The following EFNB2 variants were observed in gnomAD, a reference collection of about 807,000 sequenced individuals.
EFNB2 encodes the protein ephrin B2.
EFNB2 carries 5 observed loss-of-function variants against 32.1 expected under a neutral mutation model. The observed-to-expected ratio is 0.16, with a 90% CI of 0.08 to 0.33. The LOEUF (loss-of-function observed/expected upper bound fraction) is 0.33, where lower values mean the gene tolerates loss of function less well. Among genes scored for constraint, EFNB2 ranks in the 10% least tolerant of loss-of-function variants. The pLI, the probability that EFNB2 is intolerant of heterozygous loss-of-function variation, is 1.00. For missense variants in EFNB2, 263 were observed against 422.6 expected (o/e 0.62, Z 3.31); for synonymous variants, 168 against 166.5 (o/e 1.01, Z -0.07).
At position 106,513,766 on chromosome 13, in the gene EFNB2, C is replaced by T. The variant is rs372764343; in HGVS notation, c.123-954G>A. Among the ~76,000 whole-genome samples, 699 of 140,124 alleles carry T rather than the reference C, an allele frequency of 5.0e-3. 6 individuals carry two copies. Among genetic ancestry groups the T allele is most frequent in the Middle Eastern group, 0.035 (9 of 258 alleles). 91.9% of individuals were successfully genotyped at this position (140,124 alleles called of 152,430 possible). ...ACACACTTAGAAATCTCAGCTCGTT[C>T]GTAAGCAGCCAAGCCTGCAGGCTCA... On this transcript the variant is annotated intron_variant, in intron 1 of 4. Coordinates refer to ENST00000646441, the MANE Select transcript of EFNB2 (RefSeq NM_004093.4).
At chr13:106,498,075 CAA>C (rs1380250354) in intron 2 of EFNB2, among the ~76,000 whole-genome samples, 2 of 152,072 alleles carry the variant, frequency 1.3e-5, no homozygotes, top group Non-Finnish European at 2.9e-5. Flanking sequence ...CACTCAAACT[CAA>C]AGTTAACTTA....
Position 106,535,283 on chromosome 13 carries a change from G to T in EFNB2, c.-319C>A. ...GGTGCCGGGCCGGCCGCGGCTGGCG[G>T]GTGGGCGCGGGGCGGGTGCGGGCTG... is the stretch of plus-strand genomic sequence containing the variant. On this transcript the variant is annotated 5_prime_UTR_variant, in exon 1 of 5. Transcript: ENST00000646441. 1 of 149,336 alleles carries T rather than the reference G, an allele frequency of 6.7e-6. No individual in the cohort carries two copies. Among genetic ancestry groups the T allele is most frequent in the South Asian group, 1.9e-4 (1 of 5,376 alleles). 9.3% of individuals were successfully genotyped at this position (149,336 alleles called of 1,614,324 possible). A position where few individuals can be genotyped will look rare whatever the true frequency, so the allele number is the denominator to read the frequency against.
At position 106,534,881 on chromosome 13, in the gene EFNB2, T is replaced by C; in HGVS notation, c.84A>G (p.Ile28Met). The stretch of plus-strand genomic sequence containing the variant: ...AATTCCAATAGATAGGCTCTAAAAC[T>C]ATCGATTTGGAAATCGCAGTTCTGC... Reference protein sequence around the residue: ...VLCRTAISKSIVLEPIYWNSS... With the variant: ...VLCRTAISKSMVLEPIYWNSS... Residue 28 changes from isoleucine (I) to methionine (M), a missense_variant, in exon 1 of 5, where the codon ATA (isoleucine) becomes ATG (methionine). This residue lies in a region of EFNB2 where 46 missense variants were observed against 56.9 expected (regional missense o/e 0.81). Transcript: ENST00000646441. 1 of 1,613,492 alleles carries C rather than the reference T, an allele frequency of 6.2e-7. No homozygotes were observed. Among genetic ancestry groups the C allele is most frequent in the South Asian group, 1.1e-5 (1 of 91,030 alleles).
chr13:106,534,694 G>A (rs1880000943), intron 1 of EFNB2, 149 bp downstream of exon 1: 1 of 900,400 alleles, frequency 1.1e-6, no homozygotes, highest in East Asian at 3.0e-5. Context: ...TCTCCACCTA[G>A]TGAAATGGGG....
At position 106,492,073 on chromosome 13, in the gene EFNB2, C is replaced by A. The variant is rs1379751545; in HGVS notation, c.*967G>T. 4 of 152,658 alleles carry A rather than the reference C, an allele frequency of 2.6e-5. No homozygotes were observed. The East Asian group carries it at 7.7e-4, about 29-fold the overall frequency. The allele number at this position is 152,658 out of a possible 1,614,324, so 9.5% of individuals were successfully genotyped here. On this transcript the variant is annotated 3_prime_UTR_variant, in exon 5 of 5. Coordinates refer to ENST00000646441, the MANE Select transcript of EFNB2 (RefSeq NM_004093.4). The surrounding 1 kb of genome is among the most constrained non-coding windows in gnomAD (Gnocchi z 5.1). ...CTGTTCCTTTCCCAACAATACCCGT[C>A]TTTGTTCCCCGGAATGAAGAGGGGC...
intron 1 of EFNB2, among the ~76,000 whole-genome samples, chr13:106,514,431 T>C (rs1285741487): frequency 2.6e-5 from 4 of 152,144 alleles, no homozygotes; most frequent in African/African-American, 9.7e-5. Flanking sequence ...CACAATTCAG[T>C]TTCTCAAGTA....
chr13:106,505,668 C>T (rs1878926511), intron 2 of EFNB2, among the ~76,000 whole-genome samples: 1 of 152,150 alleles, frequency 6.6e-6, no homozygotes, highest in Admixed American at 6.5e-5. Flanking sequence ...GTTTTATCTT[C>T]CTGATGAATG....
At chr13:106,525,830 C>T (rs933380814) in intron 1 of EFNB2, among the ~76,000 whole-genome samples, 3 of 152,194 alleles carry the variant, frequency 2.0e-5, no homozygotes, top group Admixed American at 1.3e-4. Flanking sequence ...AGCCGAGTAA[C>T]AGGCCTAACA....
At chr13:106,527,242 A>G (rs1879730909) in intron 1 of EFNB2, among the ~76,000 whole-genome samples, 1 of 152,072 alleles carries the variant, frequency 6.6e-6, no homozygotes, top group African/African-American at 2.4e-5. Context: ...AAATTGAGAA[A>G]ATAAATTAGT....
At chr13:106,510,514 G>A (rs1239038122) in intron 2 of EFNB2, among the ~76,000 whole-genome samples, 3 of 152,328 alleles carry the variant, frequency 2.0e-5, no homozygotes, top group African/African-American at 7.2e-5. Context: ...ATCGGTGGAC[G>A]TGGGCTGCAT....
chr13:106,511,544 C>G (rs1358261582), intron 2 of EFNB2, among the ~76,000 whole-genome samples: 1 of 152,184 alleles, frequency 6.6e-6, no homozygotes, highest in African/African-American at 2.4e-5. Flanking sequence ...TCAGTTTGAT[C>G]ACCAAGAGTC....
At chr13:106,521,659 T>C (rs1222813159) in intron 1 of EFNB2, 1 of 152,220 alleles carries the variant, frequency 6.6e-6, no homozygotes, top group Non-Finnish European at 1.5e-5. Flanking sequence ...CTCCTTTTGA[T>C]GTTAATCTTG....
At chr13:106,522,177 G>A (rs1032541543) in intron 1 of EFNB2, among the ~76,000 whole-genome samples, 2 of 152,096 alleles carry the variant, frequency 1.3e-5, no homozygotes, top group Non-Finnish European at 2.9e-5. Context: ...CAAGTGAGAA[G>A]GGGGGTGATC....
At chr13:106,501,243 T>C (rs769506609) in intron 2 of EFNB2, among the ~76,000 whole-genome samples, 49 of 152,164 alleles carry the variant, frequency 3.2e-4, no homozygotes, top group Non-Finnish European at 6.5e-4. Flanking sequence ...ATGCCAAAAA[T>C]AAATGACTGT....
Position 106,493,387 on chromosome 13 carries a change from T to C in EFNB2, c.655A>G (p.Asn219Asp), listed in dbSNP as rs1878481673. ...DGNSAGHSGN[N>D]ILGSEVALFA... The stretch of plus-strand genomic sequence containing the variant: ...AAGGCCACTTCGGAACCGAGGATGT[T>C]GTTCCCCGAATGTCCGGCGCTGTTG... The change falls in exon 5 of 5, where the codon AAC (asparagine) becomes GAC (aspartate). Residue 219 changes from asparagine (N) to aspartate (D), a missense_variant. Transcript: ENST00000646441. This position sits in a 1 kb window ranked among gnomAD's most constrained non-coding sequence, Gnocchi z 6.1. 1.9e-6 allele frequency: 3 copies of C among 1,613,930 alleles called. No individual in the cohort carries two copies. Among genetic ancestry groups the C allele is most frequent in the East Asian group, 4.5e-5 (2 of 44,872 alleles).
chr13:106,530,417 C>T (rs1879832299), intron 1 of EFNB2, among the ~76,000 whole-genome samples: 1 of 152,076 alleles, frequency 6.6e-6, no homozygotes, highest in African/African-American at 2.4e-5. Flanking sequence ...AGGGTGAGCT[C>T]ATAAGCAAAT....
Position 106,493,355 on chromosome 13 carries a change from T to G in EFNB2, c.687A>C (p.Ala229=). The part of the protein sequence containing the change: ...NILGSEVALF[A]GIASGCIIFI... ...AGATGATGCATCCTGAAGCAATCCC[T>G]GCAAATAAGGCCACTTCGGAACCGA... Residue 229 remains alanine (A), a synonymous_variant, in exon 5 of 5, where the codon GCA becomes GCC. Transcript: ENST00000646441. The surrounding 1 kb of genome is among the most constrained non-coding windows in gnomAD (Gnocchi z 6.1). The G allele has an allele frequency of 1.9e-6, 3 of 1,614,180 alleles. No individual in the cohort carries two copies. The highest frequency in any genetic ancestry group is 1.7e-6 in the Non-Finnish European group (2 of 1,180,030).
Position 106,512,773 on chromosome 13 carries a change from T to A in EFNB2, c.162A>T (p.Ile54=), listed in dbSNP as rs1879183427. 1 of 1,613,360 alleles carries A rather than the reference T, an allele frequency of 6.2e-7. No individual in the cohort carries two copies. Among genetic ancestry groups the A allele is most frequent in the African/African-American group, 1.3e-5 (1 of 74,900 alleles). Reference sequence around the variant, plus strand: ...GGCAAATAATATCCAATTTGTCTCCTATCTGTGGGTATAGTACCAGTCCTT... The same window carrying A: ...GGCAAATAATATCCAATTTGTCTCCAATCTGTGGGTATAGTACCAGTCCTT... The part of the protein sequence containing the change: ...PGQGLVLYPQ[I]GDKLDIICPK... Residue 54 remains isoleucine, a synonymous_variant, in exon 2 of 5, where the codon ATA becomes ATT. Transcript: ENST00000646441.
chr13:106,534,283 C>T (rs148721585), intron 1 of EFNB2, among the ~76,000 whole-genome samples: 151 of 152,264 alleles, frequency 9.9e-4, no homozygotes, highest in African/African-American at 3.4e-3. Context: ...TCCCCGCGCA[C>T]CCTCGGGCTG....
Sources: gnomAD v4.1 joint callset for allele counts (sites outside exome capture counted in the v4.1 genomes callset) on GRCh38, gnomAD v4.1.1 for gene constraint, gnomAD v4.1.1 regional missense constraint, Gnocchi (gnomAD v3.1) non-coding constraint, MANE v1.5 for transcripts, NCBI Gene and HGNC (gene_info 2026-07-23, HGNC 2026-07-21) for gene names.